Variants in AK2 observed in about 807,000 individuals in gnomAD.
The protein encoded by AK2 is adenylate kinase 2.
Under a neutral mutation model 24.6 loss-of-function variants are expected in AK2, and 15 were observed. The observed-to-expected ratio is 0.61, with a 90% confidence interval of 0.41 to 0.94. AK2 has a LOEUF of 0.94. Ranked by LOEUF, AK2 falls within the 40% of genes least tolerant of loss-of-function variation. The probability of loss-of-function intolerance (pLI) is 0.00; values close to 1 mark genes in which losing one functional copy is unlikely to be tolerated. For synonymous variants in AK2, 102 were observed against 114.0 expected (o/e 0.90, Z 0.67); for missense variants, 257 against 304.1 (o/e 0.85, Z 1.15).
chr1:33,025,393 T>G (rs1342735821), intron 1 of AK2, among the ~76,000 whole-genome samples: 15 of 152,134 alleles, frequency 9.9e-5, no homozygotes, highest in Admixed American at 9.8e-4. Context: ...TAGGAGCAGT[T>G]TGCCCCCAGG....
At chr1:33,026,344 A>T (rs926496743) in intron 1 of AK2, among the ~76,000 whole-genome samples, 1 of 152,220 alleles carries the variant, frequency 6.6e-6, no homozygotes, top group Non-Finnish European at 1.5e-5. Flanking sequence ...GATTGCAGGC[A>T]CAAGCCACGT....
At chr1:33,033,957 T>A (rs767218134) in intron 1 of AK2, among the ~76,000 whole-genome samples, 2 of 152,100 alleles carry the variant, frequency 1.3e-5, no homozygotes, top group Non-Finnish European at 2.9e-5. Flanking sequence ...CACTACAAAC[T>A]CTGCCTCCAA....
chr1:33,020,304 A>G lies in AK2; in HGVS notation c.425+1063T>C, dbSNP rs1027453087. 6 of 713,928 alleles carry G rather than the reference A, an allele frequency of 8.4e-6. No individual in the cohort carries two copies. The African/African-American group carries it at 9.0e-5, about 11-fold the overall frequency. 44.2% of individuals were successfully genotyped at this position (713,928 alleles called of 1,614,324 possible). On this transcript the variant is annotated intron_variant, in intron 4 of 5. Coordinates refer to ENST00000672715, the MANE Select transcript of AK2 (RefSeq NM_001625.4). ...CAGATGGTTATATTATTTTTACAAT[A>G]AAAAGTCTACAGCAAAGTATGGCAA...
Position 33,010,632 on chromosome 1 carries a change from A to G in AK2, c.*2549T>C. 1 of 1,463,812 alleles carries G rather than the reference A, an allele frequency of 6.8e-7. No individual in the cohort carries two copies. Among genetic ancestry groups the G allele is most frequent in the Non-Finnish European group, 9.3e-7 (1 of 1,070,728 alleles). The allele number at this position is 1,463,812 out of a possible 1,614,324, so 90.7% of individuals were successfully genotyped here. ...AATTAATTTTTCCCTTACACTTTAA[A>G]AACTCTCACCTATGTATAAAAGAAA... On this transcript the variant is annotated 3_prime_UTR_variant, in exon 6 of 6. Transcript: ENST00000672715.
At chr1:33,014,406 C>G (rs2124287082) in intron 5 of AK2, 116 bp downstream of exon 5, 1 of 816,214 alleles carries the variant, frequency 1.2e-6, no homozygotes, top group East Asian at 3.0e-5. Flanking sequence ...TTTTTCATGA[C>G]TAAGTTAGTA....
At position 33,010,820 on chromosome 1, in the gene AK2, C is replaced by T; in HGVS notation, c.*2361G>A. ...GAGCAGTGTTGCAGTCTCGCCTGGC[C>T]TTCTGATACTAGGCTGAAATAGAGA... On this transcript the variant is annotated 3_prime_UTR_variant, in exon 6 of 6. Coordinates refer to ENST00000672715, the MANE Select transcript of AK2 (RefSeq NM_001625.4). 6.2e-7 allele frequency: 1 copy of T among 1,614,278 alleles called. No individual in the cohort carries two copies. Among genetic ancestry groups the T allele is most frequent in the Non-Finnish European group, 8.5e-7 (1 of 1,180,058 alleles).
rs1638795940 is a variant in AK2, at chr1:33,011,142, G to C, written c.*2039C>G. ...TATGTGGACGGATGACAAATATTTGGGCAAGGATCATGCACATAAAATTAG... is the reference window on the plus strand; with the variant it reads ...TATGTGGACGGATGACAAATATTTGCGCAAGGATCATGCACATAAAATTAG... On this transcript the variant is annotated 3_prime_UTR_variant, in exon 6 of 6. Transcript: ENST00000672715. 5 of 1,383,422 alleles carry C rather than the reference G, an allele frequency of 3.6e-6. No individual in the cohort carries two copies. Among genetic ancestry groups the C allele is most frequent in the Non-Finnish European group, 4.7e-6 (5 of 1,065,794 alleles). The allele number at this position is 1,383,422 out of a possible 1,614,324, so 85.7% of individuals were successfully genotyped here.
rs1401261000 is a variant in AK2, at chr1:33,011,345, G to A, written c.*1836C>T. The A allele has an allele frequency of 7.8e-7, 1 of 1,288,050 alleles. No homozygotes were observed. The highest frequency in any genetic ancestry group is 1.0e-6 in the Non-Finnish European group (1 of 989,294). 79.8% of individuals were successfully genotyped at this position (1,288,050 alleles called of 1,614,324 possible). The stretch of plus-strand genomic sequence containing the variant: ...CCTTGCCCATTCCCAGAAGTCATGT[G>A]CTTCCCAGAAACACACAAAGCCAGA... On this transcript the variant is annotated 3_prime_UTR_variant, in exon 6 of 6. Coordinates refer to ENST00000672715, the MANE Select transcript of AK2 (RefSeq NM_001625.4).
intron 1 of AK2, among the ~76,000 whole-genome samples, chr1:33,033,606 T>G (rs1191796393): frequency 6.6e-6 from 1 of 152,222 alleles, no homozygotes; most frequent in Non-Finnish European, 1.5e-5. Flanking sequence ...TATGCTTATG[T>G]TTTTAAAAAT....
rs1192799512 is a variant in AK2, at chr1:33,020,561, G to A, written c.425+806C>T. Among the ~76,000 whole-genome samples, 5 of 152,174 alleles carry A rather than the reference G, an allele frequency of 3.3e-5. No homozygotes were observed. In the South Asian group the frequency reaches 8.3e-4, roughly 25 times the overall value. On this transcript the variant is annotated intron_variant, in intron 4 of 5. Transcript: ENST00000672715. ...TAGGGTCACAGTTAAAAAGTGACAA[G>A]AGGCCAGGCACAGTGGCTCAAGCCT...
chr1:33,021,745 A>C, intron 2 of AK2, 42 bp from the exon 3 acceptor site: 1 of 1,481,810 alleles, frequency 6.7e-7, no homozygotes, highest in Non-Finnish European at 9.4e-7. Flanking sequence ...TAAATCCATT[A>C]CCTAGGTGAC....
rs569150369 is a variant in AK2 at position 33,024,195 on chromosome 1, T to A, written c.219+247A>T. On this transcript the variant is annotated intron_variant, in intron 2 of 5. Coordinates refer to ENST00000672715, the MANE Select transcript of AK2 (RefSeq NM_001625.4). ...AAAAAAAAAGAAAAAAAATTTCCTA[T>A]AATCTGCCAGTTTGTTAAAACACCC... is the stretch of plus-strand genomic sequence containing the variant. 3 of 520,962 alleles carry A rather than the reference T, an allele frequency of 5.8e-6. No individual in the cohort carries two copies. In the South Asian group the frequency reaches 6.3e-5, roughly 11 times the overall value. The allele number at this position is 520,962 out of a possible 1,614,324, so 32.3% of individuals were successfully genotyped here. A position where few individuals can be genotyped will look rare whatever the true frequency, so the allele number is the denominator to read the frequency against.
chr1:33,019,588 C>T (rs1639403924), intron 4 of AK2: 2 of 980,148 alleles, frequency 2.0e-6, no homozygotes, highest in Non-Finnish European at 2.4e-6. Flanking sequence ...AGGTAGAGTC[C>T]ACTGTATTTC....
chr1:33,012,242 A>G lies in AK2; in HGVS notation c.*939T>C. The G allele has an allele frequency of 6.5e-7, 1 of 1,535,238 alleles. No homozygotes were observed. Among genetic ancestry groups the G allele is most frequent in the Non-Finnish European group, 8.7e-7 (1 of 1,146,658 alleles). ...ATTGCTATTTTCAGCATCATGATGC[A>G]GATCACAAAAATATTCCAATTTGGC... On this transcript the variant is annotated 3_prime_UTR_variant, in exon 6 of 6. Coordinates refer to ENST00000672715, the MANE Select transcript of AK2 (RefSeq NM_001625.4).
intron 1 of AK2, among the ~76,000 whole-genome samples, chr1:33,027,592 A>G (rs1569701062): frequency 1.3e-5 from 2 of 152,220 alleles, no homozygotes; most frequent in Non-Finnish European, 2.9e-5. Context: ...TACTAAAAAT[A>G]CAAAAATTAG....
rs545382740 is a variant in AK2 at position 33,011,489 on chromosome 1, T to G, written c.*1692A>C. On this transcript the variant is annotated 3_prime_UTR_variant, in exon 6 of 6. Transcript: ENST00000672715. ...GGGAAGCAAGGTGGCCAGGTACTCA[T>G]GCCCAGTTGCCATGTGGACAGCAGA... The G allele has an allele frequency of 7.8e-7, 1 of 1,287,402 alleles. No individual in the cohort carries two copies. Among genetic ancestry groups the G allele is most frequent in the South Asian group, 1.2e-5 (1 of 80,942 alleles). The allele number at this position is 1,287,402 out of a possible 1,614,324, so 79.7% of individuals were successfully genotyped here.
Position 33,010,868 on chromosome 1 carries a change from G to T in AK2, c.*2313C>A. 6.2e-7 allele frequency: 1 copy of T among 1,613,948 alleles called. No individual in the cohort carries two copies. Among genetic ancestry groups the T allele is most frequent in the Non-Finnish European group, 8.5e-7 (1 of 1,179,996 alleles). ...AGAGGAAACAAGAGAGAACAAAATG[G>T]GTTTTTAAAAACCAAGTACATATCA... On this transcript the variant is annotated 3_prime_UTR_variant, in exon 6 of 6. Transcript: ENST00000672715.
At chr1:33,024,265 G>A in intron 2 of AK2, 177 bp downstream of exon 2, 1 of 861,890 alleles carries the variant, frequency 1.2e-6, no homozygotes, top group Non-Finnish European at 1.8e-6. Flanking sequence ...ATGATGGAAA[G>A]TTCTGTATCA....
chr1:33,019,254 C>A (rs1159912630), intron 4 of AK2, among the ~76,000 whole-genome samples: 22 of 152,174 alleles, frequency 1.4e-4, no homozygotes, highest in Admixed American at 1.4e-3. Flanking sequence ...ATGGGCATCA[C>A]TATATGGTTA....
Sources: allele counts gnomAD v4.1 joint callset (sites outside exome capture counted in the v4.1 genomes callset), GRCh38; gene constraint gnomAD v4.1.1; transcripts MANE v1.5; gene names NCBI Gene and HGNC (gene_info 2026-07-23, HGNC 2026-07-21).